The following LRRC7 variants were observed in gnomAD, a reference collection of about 807,000 sequenced individuals.
LRRC7 encodes leucine rich repeat containing 7.
Under a neutral mutation model 175.7 loss-of-function variants are expected in LRRC7, and 23 were observed. The ratio of observed to expected loss-of-function variants is 0.13; its 90% CI spans 0.09 to 0.19. The LOEUF (loss-of-function observed/expected upper bound fraction) is 0.19, where lower values mean the gene tolerates loss of function less well. Ranked by LOEUF, LRRC7 falls within the 10% of genes least tolerant of loss-of-function variation. The pLI is 1.00. For synonymous variants in LRRC7, 685 were observed against 680.9 expected (o/e 1.01, Z -0.09); for missense variants, 1,354 against 1,904.7 (o/e 0.71, Z 5.38).
intron 2 of LRRC7, among the ~76,000 whole-genome samples, chr1:69,684,106 G>A (rs1660823824): frequency 1.3e-5 from 2 of 152,086 alleles, no homozygotes; most frequent in South Asian, 4.1e-4. Context: ...GTTTTCTGAT[G>A]TACTGTATAA....
Position 70,139,989 on chromosome 1 carries a change from C to A in LRRC7, c.*18102C>A, listed in dbSNP as rs1050155849. The A allele has an allele frequency of 3.9e-5, 6 of 152,028 alleles. No individual in the cohort carries two copies. Among genetic ancestry groups the A allele is most frequent in the Non-Finnish European group, 7.4e-5 (5 of 67,994 alleles). 9.4% of individuals were successfully genotyped at this position (152,028 alleles called of 1,614,324 possible). A position where few individuals can be genotyped will look rare whatever the true frequency, so the allele number is the denominator to read the frequency against. ...GAGAAACTTAATTCTAGGGTACTTACAATAGCTGCCTTATTGGGGGAAGGG... is the reference window on the plus strand; with the variant it reads ...GAGAAACTTAATTCTAGGGTACTTAAAATAGCTGCCTTATTGGGGGAAGGG... On this transcript the variant is annotated 3_prime_UTR_variant, in exon 27 of 27. Transcript: ENST00000651989.
At chr1:69,624,533 T>A (rs1651164031) in intron 1 of LRRC7, among the ~76,000 whole-genome samples, 1 of 152,080 alleles carries the variant, frequency 6.6e-6, no homozygotes, top group Admixed American at 6.5e-5. Flanking sequence ...TTTATTAATC[T>A]TTTTTCAGTG....
chr1:69,840,912 G>A (rs1681651008), intron 7 of LRRC7, among the ~76,000 whole-genome samples: 1 of 151,988 alleles, frequency 6.6e-6, no homozygotes, highest in South Asian at 2.1e-4. Context: ...GTTTTTTGAG[G>A]GATAGTCAGA....
intron 2 of LRRC7, among the ~76,000 whole-genome samples, chr1:69,743,904 T>G (rs1668982628): frequency 6.6e-6 from 1 of 151,832 alleles, no homozygotes. Context: ...TACTCTGATA[T>G]TGAGATTGTA....
At chr1:70,035,363 G>T (rs936331104) in intron 18 of LRRC7, among the ~76,000 whole-genome samples, 1 of 151,972 alleles carries the variant, frequency 6.6e-6, no homozygotes, top group Non-Finnish European at 1.5e-5. Context: ...TAAAATCTTG[G>T]GTTTTCTACA....
chr1:69,977,957 A>T (rs1276175161), intron 8 of LRRC7, among the ~76,000 whole-genome samples: 1 of 152,236 alleles, frequency 6.6e-6, no homozygotes, highest in Non-Finnish European at 1.5e-5. Flanking sequence ...TATTGTATTC[A>T]TATGAGCTTT....
At chr1:69,839,992 T>C (rs190473076) in intron 7 of LRRC7, among the ~76,000 whole-genome samples, 5 of 152,112 alleles carry the variant, frequency 3.3e-5, no homozygotes, top group Admixed American at 3.3e-4. Flanking sequence ...ATAATATGCA[T>C]AAACCAATTT....
Position 70,133,087 on chromosome 1 carries a change from T to C in LRRC7, c.*11200T>C, listed in dbSNP as rs1666739512. On this transcript the variant is annotated 3_prime_UTR_variant, in exon 27 of 27. Transcript: ENST00000651989. ...TTTAGTTGTACACATCCGCATACTC[T>C]TTTAAAGAAACATGTGTCTGCAGTT... Among the ~76,000 whole-genome samples, 1 of 152,188 alleles carries C rather than the reference T, an allele frequency of 6.6e-6. No individual in the cohort carries two copies. Among genetic ancestry groups the C allele is most frequent in the Non-Finnish European group, 1.5e-5 (1 of 68,036 alleles).
At chr1:69,695,686 C>T (rs543829936) in intron 2 of LRRC7, among the ~76,000 whole-genome samples, 1 of 152,206 alleles carries the variant, frequency 6.6e-6, no homozygotes, top group African/African-American at 2.4e-5. Context: ...CAGGCCCTTG[C>T]TGCCCTGTGC....
intron 1 of LRRC7, among the ~76,000 whole-genome samples, chr1:69,641,495 T>C (rs13375670): frequency 0.16 from 24,110 of 151,524 alleles, 2,801 homozygotes; most frequent in African/African-American, 0.33. Context: ...CATTCATATA[T>C]ATATTACTAA....
At chr1:69,766,878 T>C (rs1671679656) in intron 3 of LRRC7, among the ~76,000 whole-genome samples, 1 of 152,194 alleles carries the variant, frequency 6.6e-6, no homozygotes, top group Non-Finnish European at 1.5e-5. Context: ...CTGTCTTTTT[T>C]TCTTAAAAGT....
rs1740916 is a variant in LRRC7, at chr1:69,723,901, T to C, written c.101-36290T>C. On this transcript the variant is annotated intron_variant, in intron 2 of 26. Transcript: ENST00000651989. The stretch of plus-strand genomic sequence containing the variant: ...GAGTTCTGCTGTCATGAATTCAATA[T>C]CTCCCAAAGGCCCCTTCTCCTAATA... 8.6e-5 allele frequency among the ~76,000 whole-genome samples: 13 copies of C among 151,878 alleles called. 2 individuals carry two copies. Among genetic ancestry groups the C allele is most frequent in the South Asian group, 8.4e-4 (4 of 4,790 alleles).
chr1:70,137,253 C>A lies in LRRC7; in HGVS notation c.*15366C>A, dbSNP rs145445707. Among the ~76,000 whole-genome samples the A allele has an allele frequency of 8.4e-4, 128 of 152,210 alleles. No homozygotes were observed. Among genetic ancestry groups the A allele is most frequent in the African/African-American group, 2.9e-3 (120 of 41,518 alleles). ...TGACTCTGTCTTTCCAAGGAGTAAC[C>A]CTTTTGGGTCAAAGTCAGAGGGGGC... On this transcript the variant is annotated 3_prime_UTR_variant, in exon 27 of 27. Coordinates refer to ENST00000651989, the MANE Select transcript of LRRC7 (RefSeq NM_001370785.2).
chr1:69,582,075 A>AT (rs981210690), intron 1 of LRRC7, among the ~76,000 whole-genome samples: 8 of 151,692 alleles, frequency 5.3e-5, no homozygotes, highest in East Asian at 1.9e-4. Flanking sequence ...TCATCTTCAC[A>AT]TTTTTTTTCA....
intron 25 of LRRC7, among the ~76,000 whole-genome samples, chr1:70,107,489 G>T (rs1571342563): frequency 6.6e-6 from 1 of 152,250 alleles, no homozygotes; most frequent in Middle Eastern, 3.4e-3. Context: ...AAATCATTAA[G>T]AATATGCCAT....
At chr1:69,668,459 T>G (rs1181548186) in intron 1 of LRRC7, among the ~76,000 whole-genome samples, 1 of 152,198 alleles carries the variant, frequency 6.6e-6, no homozygotes, top group African/African-American at 2.4e-5. Flanking sequence ...TCCATGTCCC[T>G]GCAAAGAACA....
chr1:69,618,756 T>C (rs989985556), intron 1 of LRRC7, among the ~76,000 whole-genome samples: 3 of 152,162 alleles, frequency 2.0e-5, no homozygotes, highest in Non-Finnish European at 4.4e-5. Flanking sequence ...ATGGTGATAT[T>C]TTCTCATCAC....
intron 8 of LRRC7, among the ~76,000 whole-genome samples, chr1:69,946,262 G>A (rs1649298617): frequency 6.6e-6 from 1 of 152,080 alleles, no homozygotes; most frequent in South Asian, 2.1e-4. Context: ...TTCTGTTAAT[G>A]TGGTGCATTT....
At chr1:69,582,862 T>C (rs141934084) in intron 1 of LRRC7, among the ~76,000 whole-genome samples, 2 of 152,286 alleles carry the variant, frequency 1.3e-5, no homozygotes, top group East Asian at 1.9e-4. Flanking sequence ...CTTATGAATA[T>C]GTTTTGATTT....
Sources: allele counts gnomAD v4.1 joint callset (sites outside exome capture counted in the v4.1 genomes callset), GRCh38; gene constraint gnomAD v4.1.1; transcripts MANE v1.5; gene names NCBI Gene and HGNC (gene_info 2026-07-23, HGNC 2026-07-21).